TMC1: variants seen among roughly 807,000 people sequenced by gnomAD.
The protein encoded by TMC1 is transmembrane channel like 1.
Under a neutral mutation model 105.8 loss-of-function variants are expected in TMC1, and 84 were observed. The ratio of observed to expected loss-of-function variants is 0.79; its 90% confidence interval spans 0.67 to 0.95. TMC1 has a LOEUF of 0.95. Ranked by LOEUF, TMC1 falls within the 40% of genes least tolerant of loss-of-function variation. TMC1 has a pLI of 0.00. For missense variants in TMC1, 817 were observed against 914.1 expected (o/e 0.89, Z 1.37); for synonymous variants, 315 against 311.5 (o/e 1.01, Z -0.12).
At position 72,805,453 on chromosome 9, in the gene TMC1, G is replaced by A. The variant is rs1031563662; in HGVS notation, c.1638G>A (p.Arg546=). 6.2e-7 allele frequency: 1 copy of A among 1,613,592 alleles called. No individual in the cohort carries two copies. The highest frequency in any genetic ancestry group is 1.3e-5 in the African/African-American group (1 of 74,876). The change falls in exon 18 of 24, where the codon AGG becomes AGA. Residue 546 remains arginine (R), a synonymous_variant. Transcript: ENST00000297784. ...YVTILIGDFL[R]ACFVRFCNYC... is the part of the protein sequence containing the mutation. ...CAATCCTCATTGGGGACTTTCTAAG[G>A]GCATGTTTTGTGAGGTTTTGCAATT...
chr9:72,689,886 T>G (rs549204987), intron 6 of TMC1, among the ~76,000 whole-genome samples: 1 of 152,240 alleles, frequency 6.6e-6, no homozygotes, highest in East Asian at 1.9e-4. Flanking sequence ...TTTTCTTTGG[T>G]TTCTTTTTTA....
chr9:72,764,213 C>T (rs1827796544), intron 12 of TMC1, among the ~76,000 whole-genome samples: 1 of 152,116 alleles, frequency 6.6e-6, no homozygotes, highest in African/African-American at 2.4e-5. Flanking sequence ...TTCAAAAACT[C>T]CTTTTTAAAT....
intron 5 of TMC1, among the ~76,000 whole-genome samples, chr9:72,663,685 A>T (rs1357611158): frequency 6.6e-6 from 1 of 152,168 alleles, no homozygotes; most frequent in Non-Finnish European, 1.5e-5. Context: ...ATATACTTAG[A>T]CTATACTAAG....
intron 1 of TMC1, among the ~76,000 whole-genome samples, chr9:72,549,968 G>C (rs1256218488): frequency 6.6e-6 from 1 of 151,456 alleles, no homozygotes; most frequent in Non-Finnish European, 1.5e-5. Flanking sequence ...GGCTGGTCTC[G>C]AGCTCCGGAC....
intron 12 of TMC1, among the ~76,000 whole-genome samples, chr9:72,763,485 T>C (rs935719205): frequency 6.6e-5 from 10 of 152,174 alleles, no homozygotes; most frequent in Non-Finnish European, 1.2e-4. Context: ...CAACCTGATG[T>C]GGTTTAGGAG....
At chr9:72,661,913 G>C (rs1564474962) in intron 5 of TMC1, among the ~76,000 whole-genome samples, 1 of 152,166 alleles carries the variant, frequency 6.6e-6, no homozygotes, top group Non-Finnish European at 1.5e-5. Context: ...GTCTACATGG[G>C]GAACCAGATT....
At position 72,657,200 on chromosome 9, in the gene TMC1, G is replaced by A. The variant is rs956205472; in HGVS notation, c.16+8536G>A. 1.1e-4 allele frequency among the ~76,000 whole-genome samples: 17 copies of A among 152,296 alleles called. No homozygotes were observed. The East Asian group carries it at 3.3e-3, about 29-fold the overall frequency. ...ATCAGAACTATGTCTCCTCAACTCA[G>A]TGAGACCACAAGCCACTGTTTGGGT... On this transcript the variant is annotated intron_variant, in intron 5 of 23. Coordinates refer to ENST00000297784, the MANE Select transcript of TMC1 (RefSeq NM_138691.3).
At chr9:72,526,911 AG>A (rs541208272) in intron 1 of TMC1, among the ~76,000 whole-genome samples, 5 of 152,378 alleles carry the variant, frequency 3.3e-5, no homozygotes, top group Admixed American at 3.3e-4. Flanking sequence ...GTCCACCTGC[AG>A]AAGCACACAA....
At chr9:72,732,651 C>T (rs2589609) in intron 8 of TMC1, among the ~76,000 whole-genome samples, 34,376 of 151,890 alleles carry the variant, frequency 0.23, 4,179 homozygotes, top group East Asian at 0.39. Flanking sequence ...TTTGCTTACA[C>T]TGTTTCAACT....
intron 12 of TMC1, among the ~76,000 whole-genome samples, chr9:72,770,102 G>A (rs1460880804): frequency 1.3e-5 from 2 of 152,022 alleles, no homozygotes; most frequent in East Asian, 3.9e-4. Flanking sequence ...GAAGATTTCT[G>A]GGTCTTGGGG....
chr9:72,712,385 T>A (rs1224903947), intron 8 of TMC1, among the ~76,000 whole-genome samples: 4 of 152,210 alleles, frequency 2.6e-5, no homozygotes, highest in Admixed American at 2.6e-4. Context: ...ACGATATTGA[T>A]TCTTCCTATC....
chr9:72,807,085 A>T (rs1828610205), intron 18 of TMC1, among the ~76,000 whole-genome samples: 1 of 152,186 alleles, frequency 6.6e-6, no homozygotes. Context: ...AACACAGCGA[A>T]ACCCCGTCTC....
chr9:72,771,027 C>CA (rs1331336390), intron 12 of TMC1, among the ~76,000 whole-genome samples: 5 of 152,176 alleles, frequency 3.3e-5, no homozygotes, highest in Admixed American at 6.6e-5. Flanking sequence ...TTGATATGGA[C>CA]ACCCCATGGC....
At chr9:72,623,496 T>C (rs1223823078) in intron 3 of TMC1, among the ~76,000 whole-genome samples, 1 of 152,138 alleles carries the variant, frequency 6.6e-6, no homozygotes, top group African/African-American at 2.4e-5. Context: ...TGTTTCTTGG[T>C]AGAAATGTCA....
intron 6 of TMC1, among the ~76,000 whole-genome samples, chr9:72,692,855 A>C (rs1466568315): frequency 2.0e-5 from 3 of 152,158 alleles, no homozygotes; most frequent in Non-Finnish European, 4.4e-5. Flanking sequence ...GCGATACCTC[A>C]CACCTGTAAT....
At chr9:72,605,216 T>A (rs1247150320) in intron 2 of TMC1, among the ~76,000 whole-genome samples, 1 of 152,222 alleles carries the variant, frequency 6.6e-6, no homozygotes, top group East Asian at 1.9e-4. Flanking sequence ...GGTTATCATT[T>A]ATCTATAGTT....
chr9:72,731,631 C>G (rs1378604985), intron 8 of TMC1, among the ~76,000 whole-genome samples: 1 of 152,146 alleles, frequency 6.6e-6, no homozygotes, highest in Non-Finnish European at 1.5e-5. Flanking sequence ...ATTTCCTGCT[C>G]AAAAATACTC....
chr9:72,720,313 A>G (rs767456941), intron 8 of TMC1, among the ~76,000 whole-genome samples: 2 of 152,212 alleles, frequency 1.3e-5, no homozygotes, highest in Non-Finnish European at 2.9e-5. Context: ...TCACATACCA[A>G]ATTAAAATGC....
At chr9:72,683,733 T>TTTTATATA (rs1179876329) in intron 5 of TMC1, among the ~76,000 whole-genome samples, 4 of 53,402 alleles carry the variant, frequency 7.5e-5, no homozygotes, top group South Asian at 7.6e-4. Context: ...GTTACACATT[T>TTTTATATA]TATATATATA....
Sources: gnomAD v4.1 joint callset for allele counts (sites outside exome capture counted in the v4.1 genomes callset) on GRCh38, gnomAD v4.1.1 for gene constraint, MANE v1.5 for transcripts, NCBI Gene and HGNC (gene_info 2026-07-23, HGNC 2026-07-21) for gene names.